VPS13B: variants seen among roughly 807,000 people sequenced by gnomAD.
The protein encoded by VPS13B is intermembrane lipid transfer protein VPS13B.
Under a neutral mutation model 426.4 loss-of-function variants are expected in VPS13B, and 285 were observed. The observed-to-expected ratio is 0.67, with a 90% CI of 0.61 to 0.74. VPS13B has a LOEUF of 0.74. Among genes scored for constraint, VPS13B ranks in the 30% least tolerant of loss-of-function variants. The probability of loss-of-function intolerance (pLI) is 0.00; values close to 1 mark genes in which losing one functional copy is unlikely to be tolerated. For synonymous variants in VPS13B, 1,676 were observed against 1,676.4 expected (o/e 1.00, Z 0.01); for missense variants, 4,537 against 4,782.6 (o/e 0.95, Z 1.51).
intron 17 of VPS13B, among the ~76,000 whole-genome samples, chr8:99,217,687 CAT>C (rs1470069298): frequency 6.6e-6 from 1 of 152,162 alleles, no homozygotes; most frequent in Non-Finnish European, 1.5e-5. Context: ...ATAAAAGACA[CAT>C]GAGTTGATTC....
At chr8:99,655,996 C>T (rs1036258826) in intron 34 of VPS13B, among the ~76,000 whole-genome samples, 4 of 152,148 alleles carry the variant, frequency 2.6e-5, no homozygotes, top group Non-Finnish European at 2.9e-5. Flanking sequence ...ACAAACAAAA[C>T]GAATGCAGTC....
chr8:99,391,341 G>T (rs578045972), intron 20 of VPS13B, among the ~76,000 whole-genome samples: 1 of 149,514 alleles, frequency 6.7e-6, no homozygotes, highest in Admixed American at 7.0e-5. Context: ...GTGTGTGCAT[G>T]TGTGTCTGTG....
At chr8:99,155,733 T>C (rs771293906) in intron 14 of VPS13B, among the ~76,000 whole-genome samples, 4 of 152,208 alleles carry the variant, frequency 2.6e-5, no homozygotes, top group Non-Finnish European at 5.9e-5. Flanking sequence ...TTACCATCTT[T>C]GGCCAATACC....
chr8:99,690,524 A>G (rs1266302880), intron 35 of VPS13B, among the ~76,000 whole-genome samples: 2 of 152,206 alleles, frequency 1.3e-5, no homozygotes, highest in Non-Finnish European at 2.9e-5. Flanking sequence ...ATATTTGCAA[A>G]TCATATATCT....
chr8:99,359,595 T>G (rs1812381487), intron 19 of VPS13B, among the ~76,000 whole-genome samples: 1 of 152,224 alleles, frequency 6.6e-6, no homozygotes, highest in African/African-American at 2.4e-5. Flanking sequence ...TAAAATAAAT[T>G]TAAATTTCCA....
intron 17 of VPS13B, among the ~76,000 whole-genome samples, chr8:99,222,225 A>C (rs927274502): frequency 2.0e-5 from 3 of 152,208 alleles, no homozygotes; most frequent in African/African-American, 7.2e-5. Context: ...AACACATTTT[A>C]GTCTGTCTAA....
rs1830379016 is a variant in VPS13B at position 99,664,456 on chromosome 8, A to G, written c.6046+2965A>G. On this transcript the variant is annotated intron_variant, in intron 35 of 61. Coordinates refer to ENST00000357162, the MANE Select transcript of VPS13B (RefSeq NM_152564.5). The stretch of plus-strand genomic sequence containing the variant: ...AACATTAGATATATCTCCTAATGCT[A>G]TCCCTCCCCCTGACCCCCACCCCAC... Among the ~76,000 whole-genome samples the G allele has an allele frequency of 1.3e-5, 2 of 151,684 alleles. 1 individual carries two copies. The highest frequency in any genetic ancestry group is 4.2e-4 in the South Asian group (2 of 4,806).
intron 34 of VPS13B, among the ~76,000 whole-genome samples, chr8:99,652,866 A>T: frequency 6.6e-6 from 1 of 152,206 alleles, no homozygotes; most frequent in East Asian, 1.9e-4. Context: ...TAAAATTATT[A>T]CTTTGACAGG....
rs771720740 is a variant in VPS13B at position 99,156,758 on chromosome 8, T to C, written c.2208+15T>C. 1 of 1,613,698 alleles carries C rather than the reference T, an allele frequency of 6.2e-7. No individual in the cohort carries two copies. The highest frequency in any genetic ancestry group is 1.7e-5 in the Admixed American group (1 of 59,996). On this transcript the variant is annotated intron_variant, in intron 15 of 61. Coordinates refer to ENST00000357162, the MANE Select transcript of VPS13B (RefSeq NM_152564.5). ...GCTATCTTAAGGTATGAAAAGTGAA[T>C]TTTCTTGTTTGTTAGCATGGGTTTG...
chr8:99,443,648 CTT>C (rs571494971), intron 23 of VPS13B, among the ~76,000 whole-genome samples: 120 of 152,096 alleles, frequency 7.9e-4, no homozygotes, highest in African/African-American at 2.8e-3. Flanking sequence ...TTGTAGCAGT[CTT>C]TGTTGTTTTT....
At chr8:99,521,070 T>A in intron 30 of VPS13B, 60 bp downstream of exon 30, 1 of 1,344,400 alleles carries the variant, frequency 7.4e-7, no homozygotes, top group Non-Finnish European at 1.1e-6. Context: ...ACACATATAG[T>A]GGTCAATAAC....
intron 33 of VPS13B, among the ~76,000 whole-genome samples, chr8:99,587,170 G>A (rs1826346998): frequency 6.6e-6 from 1 of 152,146 alleles, no homozygotes; most frequent in South Asian, 2.1e-4. Context: ...TTTCACAGCT[G>A]CATAGTATTC....
intron 21 of VPS13B, among the ~76,000 whole-genome samples, chr8:99,401,775 A>C (rs1282919165): frequency 6.6e-6 from 1 of 152,176 alleles, no homozygotes; most frequent in East Asian, 1.9e-4. Flanking sequence ...CTGAGGCAGG[A>C]GAATTGCTTG....
chr8:99,858,858 C>T (rs1180688602), intron 56 of VPS13B, among the ~76,000 whole-genome samples: 2 of 152,182 alleles, frequency 1.3e-5, no homozygotes, highest in East Asian at 1.9e-4. Context: ...ATCCCCTTTG[C>T]GACATGCCAT....
At chr8:99,733,683 GA>G (rs1221213152) in intron 39 of VPS13B, among the ~76,000 whole-genome samples, 5 of 151,508 alleles carry the variant, frequency 3.3e-5, no homozygotes, top group Admixed American at 6.6e-5. Context: ...AAAGATATTG[GA>G]AAAAAAATTT....
chr8:99,763,135 C>CAAAAAAAAAAAAAAAAA lies in VPS13B; in HGVS notation c.7051-3625_7051-3609dup, dbSNP rs750289763. Among the ~76,000 whole-genome samples the CAAAAAAAAAAAAAAAAA allele has an allele frequency of 2.0e-4, 7 of 35,848 alleles. 1 individual carries two copies. The highest frequency in any genetic ancestry group is 9.8e-4 in the African/African-American group (7 of 7,152). The allele number at this position is 35,848 out of a possible 152,430, so 23.5% of individuals were successfully genotyped here. On this transcript the variant is annotated intron_variant, in intron 39 of 61. Coordinates refer to ENST00000357162, the MANE Select transcript of VPS13B (RefSeq NM_152564.5). ...TGGGCAACAGAGTGAGACCTTGTCT[C>CAAAAAAAAAAAAAAAAA]AAAAAAAAAAAAAAAAAAAAAAAAA...
intron 31 of VPS13B, among the ~76,000 whole-genome samples, chr8:99,559,388 T>A (rs1193033669): frequency 2.0e-5 from 3 of 152,242 alleles, no homozygotes; most frequent in Non-Finnish European, 4.4e-5. Context: ...TTTCTTTTGC[T>A]GTGCAGAAGC....
At chr8:99,166,694 T>C (rs927566272) in intron 15 of VPS13B, among the ~76,000 whole-genome samples, 7 of 152,170 alleles carry the variant, frequency 4.6e-5, no homozygotes, top group African/African-American at 1.4e-4. Flanking sequence ...AATGTCTTTT[T>C]TCAGAAGTAG....
chr8:99,855,749 T>G (rs997658256), intron 56 of VPS13B, among the ~76,000 whole-genome samples: 18 of 152,180 alleles, frequency 1.2e-4, no homozygotes, highest in Non-Finnish European at 1.5e-5. Context: ...CTTACTAGGG[T>G]TATCTAGACT....
Sources: allele counts gnomAD v4.1 joint callset (sites outside exome capture counted in the v4.1 genomes callset), GRCh38; gene constraint gnomAD v4.1.1; transcripts MANE v1.5; gene names NCBI Gene and HGNC (gene_info 2026-07-23, HGNC 2026-07-21).